The following HKDC1 variants were observed in gnomAD, a reference collection of about 807,000 sequenced individuals.
The protein encoded by HKDC1 is hexokinase HKDC1.
A neutral mutation model predicts 96.6 loss-of-function variants in HKDC1; 66 were observed. The observed-to-expected ratio is 0.68, with a 90% confidence interval of 0.56 to 0.84. The LOEUF is 0.84. Among genes scored for constraint, HKDC1 ranks in the 40% least tolerant of loss-of-function variants. The pLI is 0.00. For missense variants in HKDC1, 1,211 were observed against 1,208.1 expected (o/e 1.00, Z -0.04); for synonymous variants, 466 against 473.1 (o/e 0.98, Z 0.20).
chr10:69,240,592 A>C, intron 5 of HKDC1, 60 bp from the exon 6 acceptor site: 3 of 1,362,258 alleles, frequency 2.2e-6, no homozygotes, highest in Non-Finnish European at 2.1e-6. Flanking sequence ...TCTGTGGGGA[A>C]GGAGGGAGGG....
intron 2 of HKDC1, among the ~76,000 whole-genome samples, chr10:69,229,702 A>G (rs1564725386): frequency 6.6e-6 from 1 of 152,134 alleles, no homozygotes; most frequent in Non-Finnish European, 1.5e-5. Flanking sequence ...TAACTAAGTC[A>G]TAGAAACTCT....
chr10:69,224,132 C>T (rs150723444), intron 1 of HKDC1, among the ~76,000 whole-genome samples: 10 of 151,148 alleles, frequency 6.6e-5, no homozygotes, highest in Non-Finnish European at 1.3e-4. Flanking sequence ...CACTGGAGCC[C>T]GGGAGGTTGA....
In HKDC1 at chr10:69,267,114, C is replaced by G. The variant is rs1287642343; in HGVS notation, c.*357C>G. ...AAATATATAGAATCTGCCCATGTGG[C>G]TGGCAGGCTGTTTCCCCATTGGGAT... On this transcript the variant is annotated 3_prime_UTR_variant, in exon 18 of 18. Transcript: ENST00000354624. The G allele has an allele frequency of 4.5e-6, 1 of 224,480 alleles. No individual in the cohort carries two copies. Among genetic ancestry groups the G allele is most frequent in the Non-Finnish European group, 8.8e-6 (1 of 113,476 alleles). The allele number at this position is 224,480 out of a possible 1,614,324, so 13.9% of individuals were successfully genotyped here.
At chr10:69,244,893 C>A (rs1170281030) in intron 7 of HKDC1, among the ~76,000 whole-genome samples, 1 of 151,996 alleles carries the variant, frequency 6.6e-6, no homozygotes, top group Non-Finnish European at 1.5e-5. Flanking sequence ...TCTTCTGTTT[C>A]TTCAATGCTC....
intron 15 of HKDC1, among the ~76,000 whole-genome samples, chr10:69,259,411 G>A (rs71478886): frequency 0.055 from 8,391 of 152,250 alleles, 343 homozygotes; most frequent in South Asian, 0.14. Flanking sequence ...GTCCCACCAC[G>A]GGTCACAATC....
At chr10:69,245,240 T>C (rs1843521835) in intron 7 of HKDC1, among the ~76,000 whole-genome samples, 1 of 152,152 alleles carries the variant, frequency 6.6e-6, no homozygotes, top group Non-Finnish European at 1.5e-5. Context: ...ATAAAGTAGA[T>C]TGTGACATAG....
chr10:69,233,090 G>T lies in HKDC1; in HGVS notation c.452G>T (p.Gly151Val). 1 of 1,614,152 alleles carries T rather than the reference G, an allele frequency of 6.2e-7. No homozygotes were observed. Among genetic ancestry groups the T allele is most frequent in the South Asian group, 1.1e-5 (1 of 91,086 alleles). ...KDLKHKKLPL[G>V]LTFSFPCRQT... ...TTAAAGCATAAGAAATTGCCCCTTG[G>T]CCTAACTTTTTCTTTCCCCTGTCGA... The change falls in exon 4 of 18, where the codon GGC becomes GTC. Residue 151 changes from glycine to valine, a missense_variant. Physicochemically the swap from Gly to Val is moderately radical, Grantham distance 109 (BLOSUM62 -3). Coordinates refer to ENST00000354624, the MANE Select transcript of HKDC1 (RefSeq NM_025130.4).
intron 1 of HKDC1, chr10:69,226,040 A>T (rs1843150642): frequency 6.6e-6 from 1 of 152,138 alleles, no homozygotes; most frequent in Non-Finnish European, 1.5e-5. Context: ...GACAGGGTGC[A>T]TATGCCCCTG....
At chr10:69,231,146 A>T (rs1843254163) in intron 2 of HKDC1, among the ~76,000 whole-genome samples, 1 of 152,110 alleles carries the variant, frequency 6.6e-6, no homozygotes, top group Non-Finnish European at 1.5e-5. Flanking sequence ...CCACACCGAC[A>T]CTGGCCAGGT....
chr10:69,232,586 G>T (rs141484840), intron 2 of HKDC1, 178 bp from the exon 3 acceptor site: 7,001 of 629,742 alleles, frequency 0.011, 119 homozygotes, highest in South Asian at 0.043. Context: ...TCTCAGCTCT[G>T]CGCCTTACCT....
intron 7 of HKDC1, among the ~76,000 whole-genome samples, chr10:69,244,434 C>A (rs1564731290): frequency 6.6e-6 from 1 of 152,224 alleles, no homozygotes; most frequent in Non-Finnish European, 1.5e-5. Context: ...TGCCTGTGCT[C>A]TAGTGACCCA....
Position 69,257,335 on chromosome 10 carries a change from C to G in HKDC1, c.1941C>G (p.Asp647Glu). The G allele has an allele frequency of 1.2e-6, 2 of 1,613,268 alleles. No homozygotes were observed. Among genetic ancestry groups the G allele is most frequent in the South Asian group, 1.1e-5 (1 of 91,072 alleles). The change falls in exon 14 of 18, where the codon GAC becomes GAG. Residue 647 changes from aspartate to glutamate, a missense_variant. Physicochemically the swap from Asp to Glu is conservative, Grantham distance 45. Coordinates refer to ENST00000354624, the MANE Select transcript of HKDC1 (RefSeq NM_025130.4). ...REAIKRRNEF[D>E]LDIVAVVNDT... ...TTTGTTTTTGTTTTTAGGAGTTTGA[C>G]CTGGACATTGTTGCAGTCGTGAATG...
At chr10:69,251,065 G>A (rs970082380) in intron 12 of HKDC1, among the ~76,000 whole-genome samples, 2 of 148,482 alleles carry the variant, frequency 1.3e-5, no homozygotes, top group Non-Finnish European at 3.0e-5. Context: ...AATCTTGCCA[G>A]CACATCACAA....
intron 16 of HKDC1, among the ~76,000 whole-genome samples, chr10:69,263,418 C>T (rs1267310872): frequency 6.6e-6 from 1 of 151,258 alleles, no homozygotes; most frequent in African/African-American, 2.4e-5. Context: ...TTTTTAAAAG[C>T]TTCATGGAAT....
Position 69,267,168 on chromosome 10 carries a change from A to G in HKDC1, c.*411A>G, listed in dbSNP as rs1485542010. 1 of 258,726 alleles carries G rather than the reference A, an allele frequency of 3.9e-6. No individual in the cohort carries two copies. The highest frequency in any genetic ancestry group is 5.0e-5 in the Admixed American group (1 of 19,916). The allele number at this position is 258,726 out of a possible 1,614,324, so 16.0% of individuals were successfully genotyped here. ...TAAGCCATCTCTTATAGGGGATTGG[A>G]CCCTGTACTTGTGGATGAACATTGG... On this transcript the variant is annotated 3_prime_UTR_variant, in exon 18 of 18. Coordinates refer to ENST00000354624, the MANE Select transcript of HKDC1 (RefSeq NM_025130.4).
chr10:69,234,418 AT>A (rs1678803896), intron 4 of HKDC1, among the ~76,000 whole-genome samples: 1 of 151,984 alleles, frequency 6.6e-6, no homozygotes, highest in Non-Finnish European at 1.5e-5. Context: ...AATTTTATTT[AT>A]TTTTATTTTT....
In HKDC1 at chr10:69,239,098, T is replaced by C; in HGVS notation, c.552T>C (p.Asp184=). The part of the protein sequence containing the change: ...KFKARGVQDT[D]VVSRLTKAMR... ...AGGCACGAGGAGTTCAGGACACGGA[T>C]GTGGTGAGCCGTCTGACCAAAGCCA... The change falls in exon 5 of 18, where the codon GAT becomes GAC. Residue 184 remains aspartate (D), a synonymous_variant. Coordinates refer to ENST00000354624, the MANE Select transcript of HKDC1 (RefSeq NM_025130.4). The C allele has an allele frequency of 6.2e-7, 1 of 1,613,818 alleles. No individual in the cohort carries two copies. The highest frequency in any genetic ancestry group is 8.5e-7 in the Non-Finnish European group (1 of 1,179,818).
chr10:69,261,605 G>T (rs1484898360), intron 16 of HKDC1: 6 of 242,150 alleles, frequency 2.5e-5, no homozygotes, highest in African/African-American at 1.3e-4. Flanking sequence ...GAAATATAAG[G>T]ATTCTTAATA....
At position 69,227,279 on chromosome 10, in the gene HKDC1, G is replaced by A. The variant is rs200216341; in HGVS notation, c.136G>A (p.Glu46Lys). 1 of 1,614,194 alleles carries A rather than the reference G, an allele frequency of 6.2e-7. No individual in the cohort carries two copies. Among genetic ancestry groups the A allele is most frequent in the African/African-American group, 1.3e-5 (1 of 75,038 alleles). The change falls in exon 2 of 18, where the codon GAG becomes AAG. Residue 46 changes from glutamate to lysine, a missense_variant. Glu to Lys is a moderately conservative substitution (Grantham distance 56). Coordinates refer to ENST00000354624, the MANE Select transcript of HKDC1 (RefSeq NM_025130.4). ...LLDIMRRFRAEMEKGLAKDTN... is the reference protein window; with the variant it reads ...LLDIMRRFRAKMEKGLAKDTN... The stretch of plus-strand genomic sequence containing the variant: ...GGACATCATGAGGCGGTTCCGGGCT[G>A]AGATGGAGAAGGGCCTGGCAAAGGA...
Sources: allele counts gnomAD v4.1 joint callset (sites outside exome capture counted in the v4.1 genomes callset), GRCh38; gene constraint gnomAD v4.1.1; transcripts MANE v1.5; gene names NCBI Gene and HGNC (gene_info 2026-07-23, HGNC 2026-07-21).